GMDS: variants seen among roughly 807,000 people sequenced by gnomAD.
GMDS encodes the protein GDP-mannose 4,6 dehydratase.
GMDS carries 20 observed loss-of-function variants against 49.9 expected under a neutral mutation model. The observed-to-expected ratio is 0.40, with a 90% confidence interval of 0.28 to 0.58. GMDS has a LOEUF of 0.58. Ranked by LOEUF, GMDS falls within the 20% of genes least tolerant of loss-of-function variation. The pLI, the probability that GMDS is intolerant of heterozygous loss-of-function variation, is 0.42. For synonymous variants in GMDS, 177 were observed against 178.6 expected, an observed-to-expected ratio of 0.99 and a Z score of 0.07; for missense variants, 362 against 481.4, an observed-to-expected ratio of 0.75 and a Z score of 2.32.
At chr6:1,986,892 T>C (rs1429460062) in intron 4 of GMDS, among the ~76,000 whole-genome samples, 1 of 151,978 alleles carries the variant, frequency 6.6e-6, no homozygotes, top group African/African-American at 2.4e-5. Context: ...GGAAGGGAGG[T>C]AAGAAGGATG....
At chr6:1,954,897 A>G (rs1025773653) in intron 6 of GMDS, among the ~76,000 whole-genome samples, 2 of 152,284 alleles carry the variant, frequency 1.3e-5, no homozygotes, top group East Asian at 1.9e-4. Flanking sequence ...GCCAGAACAC[A>G]CACAATATTT....
At chr6:1,793,802 C>T (rs752908802) in intron 7 of GMDS, among the ~76,000 whole-genome samples, 17 of 152,172 alleles carry the variant, frequency 1.1e-4, no homozygotes, top group South Asian at 4.1e-4. Context: ...GTGTATCTCA[C>T]ATCTCAGTGC....
At chr6:1,904,886 G>C (rs1427885733) in intron 7 of GMDS, among the ~76,000 whole-genome samples, 4 of 152,188 alleles carry the variant, frequency 2.6e-5, no homozygotes, top group African/African-American at 7.2e-5. Flanking sequence ...GGTTGACAAA[G>C]GGCAACGTCA....
intron 6 of GMDS, among the ~76,000 whole-genome samples, chr6:1,933,372 T>A (rs1029672554): frequency 3.9e-5 from 6 of 152,230 alleles, no homozygotes; most frequent in Non-Finnish European, 8.8e-5. Flanking sequence ...ATGCTTTAAT[T>A]TCTTTTAGGT....
At chr6:2,017,692 C>A (rs1561978982) in intron 4 of GMDS, among the ~76,000 whole-genome samples, 1 of 151,942 alleles carries the variant, frequency 6.6e-6, no homozygotes, top group African/African-American at 2.4e-5. Flanking sequence ...TTTTTACTGC[C>A]CTGAAACTTA....
chr6:2,129,496 A>G (rs1052893534), intron 1 of GMDS, among the ~76,000 whole-genome samples: 9 of 152,216 alleles, frequency 5.9e-5, no homozygotes, highest in African/African-American at 2.2e-4. Flanking sequence ...TTCTTTGAAC[A>G]GGATACGGTC....
intron 4 of GMDS, among the ~76,000 whole-genome samples, chr6:2,028,340 C>T (rs1413873971): frequency 6.6e-6 from 1 of 152,008 alleles, no homozygotes; most frequent in African/African-American, 2.4e-5. Context: ...ATTTTTAAAC[C>T]CTAAATCATT....
chr6:1,660,018 T>C (rs1185666903), intron 9 of GMDS, among the ~76,000 whole-genome samples: 1 of 152,002 alleles, frequency 6.6e-6, no homozygotes, highest in African/African-American at 2.4e-5. Context: ...CAACGTCCAG[T>C]GAGAGACACC....
intron 6 of GMDS, among the ~76,000 whole-genome samples, chr6:1,941,050 A>G (rs1205794497): frequency 7.9e-6 from 1 of 126,098 alleles, no homozygotes; most frequent in Non-Finnish European, 1.7e-5. Flanking sequence ...ACAACCCCAC[A>G]AAGACAAAAT....
chr6:2,064,476 C>A (rs1461468138), intron 4 of GMDS, among the ~76,000 whole-genome samples: 2 of 152,132 alleles, frequency 1.3e-5, no homozygotes, highest in South Asian at 4.1e-4. Context: ...AATACTTTCC[C>A]ATTGTTTTTG....
intron 1 of GMDS, among the ~76,000 whole-genome samples, chr6:2,205,982 G>GCT: frequency 6.6e-6 from 1 of 152,272 alleles, no homozygotes; most frequent in South Asian, 2.1e-4. Context: ...CAGACGGCTG[G>GCT]GTGCAGTGGC....
intron 7 of GMDS, among the ~76,000 whole-genome samples, chr6:1,787,998 G>C (rs1769388959): frequency 6.6e-6 from 1 of 152,124 alleles, no homozygotes; most frequent in South Asian, 2.1e-4. Context: ...GCCCAGACCT[G>C]CCACTGCCCA....
intron 4 of GMDS, among the ~76,000 whole-genome samples, chr6:2,089,247 T>A (rs1353140512): frequency 1.3e-5 from 2 of 152,094 alleles, no homozygotes; most frequent in East Asian, 3.9e-4. Flanking sequence ...ACAGAGAAAC[T>A]ACTGAAGGAT....
At chr6:1,667,677 G>C (rs1354618758) in intron 9 of GMDS, among the ~76,000 whole-genome samples, 1 of 151,206 alleles carries the variant, frequency 6.6e-6, no homozygotes, top group Non-Finnish European at 1.5e-5. Flanking sequence ...ATGGCAACAT[G>C]GAATGGGCAC....
At chr6:2,088,379 A>G (rs187565216) in intron 4 of GMDS, among the ~76,000 whole-genome samples, 1 of 152,284 alleles carries the variant, frequency 6.6e-6, no homozygotes, top group East Asian at 1.9e-4. Context: ...CTTTGCCTGT[A>G]TCATAGGATT....
intron 4 of GMDS, among the ~76,000 whole-genome samples, chr6:2,037,335 G>A (rs926914314): frequency 9.2e-5 from 14 of 152,140 alleles, no homozygotes; most frequent in Non-Finnish European, 1.9e-4. Flanking sequence ...ACTACACGAC[G>A]TTGTTGTAAC....
chr6:2,006,982 A>G (rs1767225787), intron 4 of GMDS, among the ~76,000 whole-genome samples: 1 of 152,278 alleles, frequency 6.6e-6, no homozygotes, highest in South Asian at 2.1e-4. Flanking sequence ...TTCTTTTCTT[A>G]TAACTTTCCC....
chr6:1,952,195 G>A (rs531704547), intron 6 of GMDS: 23 of 159,732 alleles, frequency 1.4e-4, no homozygotes, highest in African/African-American at 5.3e-4. Flanking sequence ...TATTTTGGGA[G>A]AATACCTACA....
At chr6:1,736,199 C>T (rs1278151233) in intron 8 of GMDS, among the ~76,000 whole-genome samples, 2 of 152,136 alleles carry the variant, frequency 1.3e-5, no homozygotes, top group African/African-American at 4.8e-5. Context: ...AAGTCTGTTG[C>T]TCCAACAAAG....
Sources: allele counts gnomAD v4.1 joint callset (sites outside exome capture counted in the v4.1 genomes callset), GRCh38; gene constraint gnomAD v4.1.1; transcripts MANE v1.5; gene names NCBI Gene and HGNC (gene_info 2026-07-23, HGNC 2026-07-21).